EXD3: variants seen among roughly 807,000 people sequenced by gnomAD.
EXD3 encodes the protein exonuclease mut-7 homolog.
In EXD3, 92 loss-of-function variants were observed where a neutral mutation model predicts 98.0. That is an observed-to-expected ratio of 0.94 (90% CI 0.79 to 1.12). The LOEUF is 1.12. Ranked by LOEUF, EXD3 falls within the 50% of genes most tolerant of loss-of-function variation. EXD3 has a pLI of 0.00. For missense variants in EXD3, 1,222 were observed against 1,191.6 expected, an observed-to-expected ratio of 1.03 and a Z score of -0.38; for synonymous variants, 569 against 526.0, an observed-to-expected ratio of 1.08 and a Z score of -1.12.
chr9:137,385,785 C>T lies in EXD3; in HGVS notation c.56-2408G>A, dbSNP rs1453381511. On this transcript the variant is annotated intron_variant, in intron 2 of 21. Transcript: ENST00000340951. The surrounding 1 kb of genome is among the most constrained non-coding windows in gnomAD (Gnocchi z 4.4). ...CTGAGCTCAATTGGTCCGTCCACCT[C>T]GGCCTCCCAAAGTGCTGGGATGACA... Among the ~76,000 whole-genome samples, 2 of 152,082 alleles carry T rather than the reference C, an allele frequency of 1.3e-5. No individual in the cohort carries two copies. Among genetic ancestry groups the T allele is most frequent in the Admixed American group, 6.5e-5 (1 of 15,270 alleles).
chr9:137,311,622 T>C (rs951302982), intron 19 of EXD3, among the ~76,000 whole-genome samples: 2 of 152,146 alleles, frequency 1.3e-5, no homozygotes, highest in Non-Finnish European at 2.9e-5. Flanking sequence ...CCACCGGTGC[T>C]GGTTTTCCCA....
intron 1 of EXD3, 89 bp downstream of exon 1, chr9:137,423,025 C>G (rs955522694): frequency 6.6e-6 from 1 of 152,180 alleles, no homozygotes; most frequent in Non-Finnish European, 1.5e-5. Flanking sequence ...AGCTACGGCC[C>G]TCACCTCAGG....
intron 17 of EXD3, among the ~76,000 whole-genome samples, chr9:137,340,249 G>C (rs1459322005): frequency 6.6e-6 from 1 of 152,094 alleles, no homozygotes; most frequent in Admixed American, 6.5e-5. Flanking sequence ...AGGCTGAGGC[G>C]GGCGGATCAT....
intron 2 of EXD3, among the ~76,000 whole-genome samples, chr9:137,390,338 A>G (rs1168996300): frequency 6.6e-6 from 1 of 150,938 alleles, no homozygotes; most frequent in Non-Finnish European, 1.5e-5. Context: ...AGGCTGAGGC[A>G]GGAGAATGGC....
At chr9:137,382,581 G>A (rs1330768267) in intron 3 of EXD3, among the ~76,000 whole-genome samples, 1 of 152,186 alleles carries the variant, frequency 6.6e-6, no homozygotes, top group Non-Finnish European at 1.5e-5. Flanking sequence ...ATGGACAAAC[G>A]AAAGCTGGCA....
At chr9:137,313,113 CT>C (rs1383832737) in intron 19 of EXD3, among the ~76,000 whole-genome samples, 1 of 152,170 alleles carries the variant, frequency 6.6e-6, no homozygotes, top group Non-Finnish European at 1.5e-5. Context: ...CCACCCACCC[CT>C]GAGGCCTTGG....
intron 7 of EXD3, among the ~76,000 whole-genome samples, chr9:137,356,965 C>T (rs1019180329): frequency 2.6e-5 from 4 of 152,164 alleles, no homozygotes; most frequent in African/African-American, 7.2e-5. Flanking sequence ...ATAAGGTCCA[C>T]GGGGTATTTT....
At chr9:137,327,525 ACACTTAAAAATGGTTAAAATGGT>A (rs1401445612) in intron 17 of EXD3, among the ~76,000 whole-genome samples, 1 of 152,200 alleles carries the variant, frequency 6.6e-6, no homozygotes, top group African/African-American at 2.4e-5. Context: ...ACTGAATTGT[ACACTTAAAAATGGTTAAAATGGT>A]CAATTTCGTG....
chr9:137,319,225 G>C (rs1029081226), intron 19 of EXD3, among the ~76,000 whole-genome samples: 16 of 152,366 alleles, frequency 1.1e-4, no homozygotes, highest in Non-Finnish European at 2.2e-4. Context: ...GTGATGGCCA[G>C]CAGCCCTCTG....
At chr9:137,310,623 G>A (rs1429669705) in intron 19 of EXD3, among the ~76,000 whole-genome samples, 2 of 152,176 alleles carry the variant, frequency 1.3e-5, no homozygotes, top group South Asian at 2.1e-4. Context: ...GCTTACACCC[G>A]AGTCCTGACT....
In EXD3 at chr9:137,405,445, G is replaced by A. The variant is rs1409235277; in HGVS notation, c.-47-10041C>T. Reference sequence around the variant, plus strand: ...CCGTGGCCCAAGGATTTGCAGAGCCGCGGACGGAGCCCAGGGCGGCCGTCG... The same window carrying A: ...CCGTGGCCCAAGGATTTGCAGAGCCACGGACGGAGCCCAGGGCGGCCGTCG... On this transcript the variant is annotated intron_variant, in intron 1 of 21. Coordinates refer to ENST00000340951, the MANE Select transcript of EXD3 (RefSeq NM_017820.5). This position sits in a 1 kb window ranked among gnomAD's most constrained non-coding sequence, Gnocchi z 4.1. 3.3e-5 allele frequency among the ~76,000 whole-genome samples: 5 copies of A among 152,214 alleles called. No individual in the cohort carries two copies. Among genetic ancestry groups the A allele is most frequent in the East Asian group, 1.9e-4 (1 of 5,188 alleles).
chr9:137,406,883 G>T (rs1316768991), intron 1 of EXD3, among the ~76,000 whole-genome samples: 1 of 152,024 alleles, frequency 6.6e-6, no homozygotes, highest in Non-Finnish European at 1.5e-5. Context: ...CAGCAGGCTG[G>T]GGACGGCCTT....
At chr9:137,402,721 CACTGGT>C (rs1837529200) in intron 1 of EXD3, among the ~76,000 whole-genome samples, 1 of 152,168 alleles carries the variant, frequency 6.6e-6, no homozygotes, top group Non-Finnish European at 1.5e-5. Context: ...TACCCCACTC[CACTGGT>C]ACCAATTTAC....
intron 1 of EXD3, among the ~76,000 whole-genome samples, chr9:137,409,511 G>A (rs1164215318): frequency 6.6e-6 from 1 of 152,138 alleles, no homozygotes; most frequent in Admixed American, 6.5e-5. Flanking sequence ...GAGTCCAGGA[G>A]TTTGAGACCA....
At chr9:137,387,248 TG>T (rs532754456) in intron 2 of EXD3, among the ~76,000 whole-genome samples, 145 of 152,164 alleles carry the variant, frequency 9.5e-4, no homozygotes, top group African/African-American at 3.4e-3. Flanking sequence ...AGTGACCGCC[TG>T]GGTCTCCTTC....
At chr9:137,340,927 G>T (rs1475466029) in intron 17 of EXD3, among the ~76,000 whole-genome samples, 2 of 152,190 alleles carry the variant, frequency 1.3e-5, no homozygotes, top group Non-Finnish European at 2.9e-5. Context: ...AAAGGACAAA[G>T]GACTGAAGGA....
rs771360242 is a variant in EXD3 at position 137,349,243 on chromosome 9, A to G, written c.1697T>C (p.Leu566Pro). The G allele has an allele frequency of 1.3e-6, 2 of 1,574,274 alleles. No individual in the cohort carries two copies. The highest frequency in any genetic ancestry group is 1.7e-6 in the Non-Finnish European group (2 of 1,167,012). Reference sequence around the variant, plus strand: ...GTGGAAGCGGGCGGGCTCTCTGCACAGGGCTTGGTGCACCTCCAGCAGGCA... The same window carrying G: ...GTGGAAGCGGGCGGGCTCTCTGCACGGGGCTTGGTGCACCTCCAGCAGGCA... ...AYCLLEVHQALCREPARFHLS... is the reference protein window; with the variant it reads ...AYCLLEVHQAPCREPARFHLS... The change falls in exon 16 of 22, where the codon CTG becomes CCG. Residue 566 changes from leucine (L) to proline (P), a missense_variant. Transcript: ENST00000340951. This position sits in a 1 kb window ranked among gnomAD's most constrained non-coding sequence, Gnocchi z 7.4.
At position 137,387,025 on chromosome 9, in the gene EXD3, C is replaced by T. The variant is rs150859563; in HGVS notation, c.56-3648G>A. ...GCTCCCTGCCTGGCCCCCTCAGCAC[C>T]CCTGCTCCCTGCCTGCCTCCCTCAG... On this transcript the variant is annotated intron_variant, in intron 2 of 21. Transcript: ENST00000340951. Among the ~76,000 whole-genome samples the T allele has an allele frequency of 8.0e-3, 1,162 of 144,396 alleles. 29 individuals carry two copies. Among genetic ancestry groups the T allele is most frequent in the South Asian group, 0.012 (53 of 4,406 alleles). The allele number at this position is 144,396 out of a possible 152,430, so 94.7% of individuals were successfully genotyped here.
At chr9:137,422,513 G>A (rs1410053271) in intron 1 of EXD3, among the ~76,000 whole-genome samples, 1 of 152,160 alleles carries the variant, frequency 6.6e-6, no homozygotes, top group African/African-American at 2.4e-5. Context: ...CCTGCTCTCC[G>A]ATGGGCTCTG....
Sources: allele counts gnomAD v4.1 joint callset (sites outside exome capture counted in the v4.1 genomes callset), GRCh38; gene constraint gnomAD v4.1.1; non-coding constraint Gnocchi (gnomAD v3.1); transcripts MANE v1.5; gene names NCBI Gene and HGNC (gene_info 2026-07-23, HGNC 2026-07-21).